The following MAP3K15 variants were observed in gnomAD, a reference collection of about 807,000 sequenced individuals.
MAP3K15 encodes mitogen-activated protein kinase kinase kinase 15.
A neutral mutation model predicts 99.5 loss-of-function variants in MAP3K15; 124 were observed. That is an observed-to-expected ratio of 1.25 (90% CI 1.08 to 1.45). The LOEUF (loss-of-function observed/expected upper bound fraction) is 1.45. MAP3K15 is among the 40% of genes most tolerant of loss of function. The probability of loss-of-function intolerance (pLI) is 0.00; values close to 1 mark genes in which losing one functional copy is unlikely to be tolerated. For synonymous variants in MAP3K15, 494 were observed against 439.6 expected (o/e 1.12, Z -1.55); for missense variants, 1,242 against 1,079.7 (o/e 1.15, Z -2.11).
Position 19,366,891 on chromosome X carries a change from G to A in MAP3K15, c.3566+2163C>T, listed in dbSNP as rs374316815. Among the ~76,000 whole-genome samples, 3 of 111,424 alleles carry A rather than the reference G, an allele frequency of 2.7e-5. No homozygotes were observed. The East Asian group carries it at 8.4e-4, about 31-fold the overall frequency. On this transcript the variant is annotated intron_variant, in intron 25 of 28. Transcript: ENST00000338883. ...ACTGGAAAATAACACAATGACTATCGACAGTGGAGAGAAATAACCTTCAAA... is the reference window on the plus strand; with the variant it reads ...ACTGGAAAATAACACAATGACTATCAACAGTGGAGAGAAATAACCTTCAAA...
In MAP3K15 at chrX:19,380,106, G is replaced by C; in HGVS notation, c.2589+14C>G. The C allele has an allele frequency of 8.6e-7, 1 of 1,167,813 alleles. No individual in the cohort carries two copies. The highest frequency in any genetic ancestry group is 1.1e-6 in the Non-Finnish European group (1 of 875,831). ...CCCAACCACGCCCAACCTCAATCAC[G>C]AAGCATGACTTACTTTGAACATGGC... On this transcript the variant is annotated intron_variant, in intron 19 of 28. Transcript: ENST00000338883.
rs771700881 is a variant in MAP3K15 at position 19,488,841 on chromosome X, G to C, written c.488C>G (p.Ala163Gly). The stretch of plus-strand genomic sequence containing the variant: ...AATACACTGTACCTTCAAAGAGAGA[G>C]CAGTGTCGGCATCGGTGTCATGGTA... Reference protein sequence around the residue: ...ILYHDTDADTALSLKDMVTQK... With the variant: ...ILYHDTDADTGLSLKDMVTQK... Residue 163 changes from alanine to glycine, a missense_variant, in exon 2 of 29, where the codon GCT becomes GGT. Coordinates refer to ENST00000338883, the MANE Select transcript of MAP3K15 (RefSeq NM_001001671.4). 1.8e-5 allele frequency: 21 copies of C among 1,197,154 alleles called. No homozygotes were observed. The highest frequency in any genetic ancestry group is 2.3e-5 in the Non-Finnish European group (21 of 893,954).
intron 1 of MAP3K15, among the ~76,000 whole-genome samples, chrX:19,490,824 G>A (rs377712995): frequency 1.8e-5 from 2 of 110,682 alleles, no homozygotes; most frequent in African/African-American, 6.6e-5. Context: ...CAAAACAGAG[G>A]AGCAACTTAT....
chrX:19,460,063 G>C lies in MAP3K15; in HGVS notation c.810C>G (p.Ile270Met), dbSNP rs1238155773. 8.4e-7 allele frequency: 1 copy of C among 1,194,261 alleles called. No individual in the cohort carries two copies. Among genetic ancestry groups the C allele is most frequent in the Admixed American group, 2.2e-5 (1 of 45,391 alleles). Reference protein sequence around the residue: ...GEELAKELARIKLRMDNTEVL... With the variant: ...GEELAKELARMKLRMDNTEVL... The stretch of plus-strand genomic sequence containing the variant: ...CCTCAGTATTATCCATGCGGAGCTT[G>C]ATCCGAGCTAGCTCCTTCGCCAGTT... The change falls in exon 5 of 29, where the codon ATC becomes ATG. Residue 270 changes from isoleucine (I) to methionine (M), a missense_variant. Ile to Met is a conservative substitution (Grantham distance 10). Coordinates refer to ENST00000338883, the MANE Select transcript of MAP3K15 (RefSeq NM_001001671.4).
intron 14 of MAP3K15, among the ~76,000 whole-genome samples, chrX:19,399,738 C>CAAAAAA (rs1569210940): frequency 8.4e-4 from 36 of 42,816 alleles, no homozygotes; most frequent in African/African-American, 5.2e-3. Context: ...GACTCTGTTT[C>CAAAAAA]CAAAAAAAAA....
Position 19,501,403 on chromosome X carries a change from A to G in MAP3K15, c.362-12436T>C, listed in dbSNP as rs1378367075. On this transcript the variant is annotated intron_variant, in intron 1 of 28. Coordinates refer to ENST00000338883, the MANE Select transcript of MAP3K15 (RefSeq NM_001001671.4). ...CCACTACTTCCATCCCAGCATGTCCAGTTTGAGTTCTTCTAGTCTCTTCTG... is the reference window on the plus strand; with the variant it reads ...CCACTACTTCCATCCCAGCATGTCCGGTTTGAGTTCTTCTAGTCTCTTCTG... Among the ~76,000 whole-genome samples, 7 of 112,314 alleles carry G rather than the reference A, an allele frequency of 6.2e-5. No individual in the cohort carries two copies. The Admixed American group carries it at 6.6e-4, about 11-fold the overall frequency.
chrX:19,434,399 A>ATT (rs765670026), intron 6 of MAP3K15, among the ~76,000 whole-genome samples: 2,163 of 94,278 alleles, frequency 0.023, 68 homozygotes, highest in African/African-American at 0.076. Context: ...TAATTTTTTA[A>ATT]TTTTTTTTTT....
intron 9 of MAP3K15, among the ~76,000 whole-genome samples, chrX:19,421,117 T>A (rs1488874033): frequency 1.8e-5 from 2 of 110,770 alleles, no homozygotes; most frequent in African/African-American, 6.6e-5. Context: ...CTTTGAAAAC[T>A]GGCACAAGAC....
Position 19,460,093 on chromosome X carries a change from A to G in MAP3K15, c.780T>C (p.Gly260=). ...DIRKAREKYQ[G]EELAKELARI... ...GAGCTAGCTCCTTCGCCAGTTCCTCACCTTGGTATTTCTCTCTGGCTTTCC... is the reference window on the plus strand; with the variant it reads ...GAGCTAGCTCCTTCGCCAGTTCCTCGCCTTGGTATTTCTCTCTGGCTTTCC... Residue 260 remains glycine, a synonymous_variant, in exon 5 of 29, where the codon GGT becomes GGC. Transcript: ENST00000338883. The G allele has an allele frequency of 8.4e-7, 1 of 1,196,489 alleles. No homozygotes were observed. The highest frequency in any genetic ancestry group is 1.1e-6 in the Non-Finnish European group (1 of 893,008).
intron 6 of MAP3K15, among the ~76,000 whole-genome samples, chrX:19,455,405 T>C (rs914141429): frequency 9.6e-6 from 1 of 104,520 alleles, no homozygotes. Context: ...AGTGCAATGG[T>C]GCAATCATGG....
At chrX:19,395,571 G>GGTGTTCT (rs2063562585) in intron 15 of MAP3K15, among the ~76,000 whole-genome samples, 1 of 111,512 alleles carries the variant, frequency 9.0e-6, no homozygotes, top group African/African-American at 3.3e-5. Context: ...CATGAAGAGT[G>GGTGTTCT]GTGTTCTGGA....
intron 9 of MAP3K15, among the ~76,000 whole-genome samples, chrX:19,415,995 G>A (rs898418633): frequency 1.8e-5 from 2 of 111,638 alleles, no homozygotes; most frequent in African/African-American, 6.5e-5. Flanking sequence ...GCCACCTCCT[G>A]TTGCTATTGT....
At chrX:19,453,178 A>T (rs2147347381) in intron 6 of MAP3K15, among the ~76,000 whole-genome samples, 1 of 111,418 alleles carries the variant, frequency 9.0e-6, no homozygotes, top group African/African-American at 3.3e-5. Context: ...AAGATGGTAA[A>T]TTTTATATGT....
At chrX:19,369,655 G>A (rs962435609) in intron 24 of MAP3K15, among the ~76,000 whole-genome samples, 2 of 110,820 alleles carry the variant, frequency 1.8e-5, no homozygotes, top group Non-Finnish European at 3.8e-5. Flanking sequence ...AGTGGCTCAC[G>A]CCTGTAATCC....
At chrX:19,446,758 G>C (rs1169944673) in intron 6 of MAP3K15, among the ~76,000 whole-genome samples, 2 of 110,740 alleles carry the variant, frequency 1.8e-5, no homozygotes, top group Non-Finnish European at 3.8e-5. Flanking sequence ...AAATACACGG[G>C]GTGGCATCGG....
chrX:19,367,601 T>A (rs2063343333), intron 25 of MAP3K15, among the ~76,000 whole-genome samples: 2 of 108,778 alleles, frequency 1.8e-5, no homozygotes, highest in South Asian at 7.9e-4. Flanking sequence ...CAACCTTTCA[T>A]CCAAAATACG....
chrX:19,376,139 G>T (rs1313871286), intron 19 of MAP3K15, among the ~76,000 whole-genome samples: 1 of 111,685 alleles, frequency 9.0e-6, no homozygotes, highest in Non-Finnish European at 1.9e-5. Context: ...TGACCCAAAA[G>T]CTCCTTGTAT....
chrX:19,360,826 G>C lies in MAP3K15; in HGVS notation c.3865C>G (p.Leu1289Val), dbSNP rs1335155853. 8.3e-7 allele frequency: 1 copy of C among 1,199,094 alleles called. No homozygotes were observed. The highest frequency in any genetic ancestry group is 1.8e-5 in the African/African-American group (1 of 56,673). ...ACCGCACTCCAGAGTCTGCAGAGGA[G>C]ACCACCCCTGGGAAACAAACACAGC... ...DLRYLRLRGGLLCRLWSAVSQ... is the reference protein window; with the variant it reads ...DLRYLRLRGGVLCRLWSAVSQ... The change falls in exon 29 of 29, where the codon CTC (leucine) becomes GTC (valine). Residue 1289 changes from leucine (L) to valine (V), a missense_variant. By Grantham distance (32) the Leu-to-Val change is conservative. Coordinates refer to ENST00000338883, the MANE Select transcript of MAP3K15 (RefSeq NM_001001671.4).
intron 18 of MAP3K15, among the ~76,000 whole-genome samples, chrX:19,382,496 T>C (rs1231879345): frequency 8.9e-6 from 1 of 111,938 alleles, no homozygotes; most frequent in Admixed American, 9.5e-5. Context: ...CTAGTGAGAC[T>C]GAAGAAATGC....
Sources: allele counts gnomAD v4.1 joint callset (sites outside exome capture counted in the v4.1 genomes callset), GRCh38; gene constraint gnomAD v4.1.1; transcripts MANE v1.5; gene names NCBI Gene and HGNC (gene_info 2026-07-23, HGNC 2026-07-21).